ALK: variants seen among roughly 807,000 people sequenced by gnomAD.
ALK encodes ALK tyrosine kinase receptor.
A neutral mutation model predicts 163.1 loss-of-function variants in ALK; 74 were observed. The observed-to-expected ratio is 0.45, with a 90% CI of 0.38 to 0.55. The LOEUF (loss-of-function observed/expected upper bound fraction) is 0.55. Among genes scored for constraint, ALK ranks in the 20% least tolerant of loss-of-function variants. ALK has a pLI of 0.00. For missense variants in ALK, 2,063 were observed against 2,105.3 expected (o/e 0.98, Z 0.39); for synonymous variants, 960 against 843.2 (o/e 1.14, Z -2.40).
intron 5 of ALK, among the ~76,000 whole-genome samples, chr2:29,330,655 T>A (rs1667411758): frequency 6.6e-6 from 1 of 152,222 alleles, no homozygotes; most frequent in Admixed American, 6.5e-5. Context: ...GCTTTGCTGC[T>A]GTGATTAAGA....
intron 1 of ALK, among the ~76,000 whole-genome samples, chr2:29,850,657 A>G (rs1030924468): frequency 6.6e-6 from 1 of 152,150 alleles, no homozygotes; most frequent in Non-Finnish European, 1.5e-5. Context: ...TCTGGGGTCT[A>G]TGCAGCCAGG....
intron 8 of ALK, among the ~76,000 whole-genome samples, chr2:29,305,139 G>C (rs1666468706): frequency 6.6e-6 from 1 of 152,212 alleles, no homozygotes; most frequent in South Asian, 2.1e-4. Flanking sequence ...CTTGGACTTT[G>C]AGTAAGAGGC....
chr2:29,526,626 C>T (rs1459005985), intron 4 of ALK, among the ~76,000 whole-genome samples: 1 of 152,240 alleles, frequency 6.6e-6, no homozygotes, highest in Non-Finnish European at 1.5e-5. Context: ...CATTGTGACA[C>T]TGCCACTTGA....
intron 1 of ALK, among the ~76,000 whole-genome samples, chr2:29,834,880 C>A (rs909614512): frequency 6.6e-6 from 1 of 152,184 alleles, no homozygotes; most frequent in Non-Finnish European, 1.5e-5. Context: ...GAATCACACA[C>A]CTTCACTTCA....
At chr2:29,773,716 T>G (rs1467228609) in intron 1 of ALK, among the ~76,000 whole-genome samples, 1 of 152,216 alleles carries the variant, frequency 6.6e-6, no homozygotes, top group Non-Finnish European at 1.5e-5. Flanking sequence ...TAAATGCATT[T>G]TTGGCTGAAT....
At chr2:29,655,840 C>G (rs1057503768) in intron 3 of ALK, among the ~76,000 whole-genome samples, 5 of 152,174 alleles carry the variant, frequency 3.3e-5, no homozygotes, top group African/African-American at 9.7e-5. Context: ...TGGAACGAAT[C>G]CAGGTCAAAT....
At chr2:29,478,271 T>C (rs1671575459) in intron 4 of ALK, among the ~76,000 whole-genome samples, 1 of 152,266 alleles carries the variant, frequency 6.6e-6, no homozygotes, top group South Asian at 2.1e-4. Context: ...TCACTCCATG[T>C]TCCAGTTAGA....
chr2:29,676,553 A>T (rs1273830841), intron 3 of ALK, among the ~76,000 whole-genome samples: 1 of 151,920 alleles, frequency 6.6e-6, no homozygotes. Flanking sequence ...CACTGTCTTC[A>T]TTACTTTGGC....
chr2:29,456,634 C>T (rs556395078), intron 4 of ALK, among the ~76,000 whole-genome samples: 1 of 152,174 alleles, frequency 6.6e-6, no homozygotes, highest in East Asian at 1.9e-4. Context: ...AGTTGGATGG[C>T]AGTAATGATT....
intron 9 of ALK, among the ~76,000 whole-genome samples, chr2:29,280,332 G>C (rs1388129301): frequency 1.3e-5 from 2 of 152,074 alleles, no homozygotes; most frequent in Non-Finnish European, 2.9e-5. Context: ...GGGACTGAGG[G>C]GAGGTTATGG....
rs528171681 is a variant in ALK at position 29,785,519 on chromosome 2, C to T, written c.668-67822G>A. On this transcript the variant is annotated intron_variant, in intron 1 of 28. Coordinates refer to ENST00000389048, the MANE Select transcript of ALK (RefSeq NM_004304.5). Reference sequence around the variant, plus strand: ...TCCCAAATACATCTGAAAGATGATTCGATTTACAAAAGTTCCATTTGTCCA... The same window carrying T: ...TCCCAAATACATCTGAAAGATGATTTGATTTACAAAAGTTCCATTTGTCCA... Among the ~76,000 whole-genome samples, 8 of 152,108 alleles carry T rather than the reference C, an allele frequency of 5.3e-5. No homozygotes were observed. In the East Asian group the frequency reaches 5.8e-4, roughly 11 times the overall value.
intron 1 of ALK, among the ~76,000 whole-genome samples, chr2:29,858,944 A>T (rs542004087): frequency 6.6e-6 from 1 of 151,940 alleles, no homozygotes; most frequent in East Asian, 1.9e-4. Flanking sequence ...GAGGCAGGAG[A>T]ATTGCTTGAA....
At chr2:29,913,193 T>A (rs937633951) in intron 1 of ALK, among the ~76,000 whole-genome samples, 2 of 152,130 alleles carry the variant, frequency 1.3e-5, no homozygotes, top group South Asian at 4.1e-4. Flanking sequence ...AAGGGAGATC[T>A]TCTCTGCCCA....
chr2:29,517,372 T>C (rs532336524), intron 4 of ALK, among the ~76,000 whole-genome samples: 93 of 152,260 alleles, frequency 6.1e-4, no homozygotes, highest in African/African-American at 2.2e-3. Context: ...ATTATATCTC[T>C]GAACATATAT....
intron 3 of ALK, among the ~76,000 whole-genome samples, chr2:29,585,194 A>G (rs1377242936): frequency 6.6e-6 from 1 of 152,228 alleles, no homozygotes; most frequent in Non-Finnish European, 1.5e-5. Context: ...ATAAGGCAAA[A>G]TATAAATGTA....
chr2:29,694,316 C>T (rs567847698), intron 3 of ALK, among the ~76,000 whole-genome samples: 4 of 152,320 alleles, frequency 2.6e-5, no homozygotes, highest in East Asian at 1.9e-4. Flanking sequence ...TATTTATGAA[C>T]GGCTTAGAAA....
chr2:29,604,330 G>A (rs1675479373), intron 3 of ALK, among the ~76,000 whole-genome samples: 1 of 152,178 alleles, frequency 6.6e-6, no homozygotes, highest in African/African-American at 2.4e-5. Context: ...GCCCTTTCGT[G>A]TTACAATGGC....
At chr2:29,726,158 G>T (rs72786227) in intron 1 of ALK, among the ~76,000 whole-genome samples, 2 of 152,032 alleles carry the variant, frequency 1.3e-5, no homozygotes, top group East Asian at 1.9e-4. Flanking sequence ...TAACACACCC[G>T]CACTCCCTAC....
chr2:29,575,179 A>G (rs996379975), intron 3 of ALK, among the ~76,000 whole-genome samples: 1 of 152,196 alleles, frequency 6.6e-6, no homozygotes, highest in Admixed American at 6.5e-5. Flanking sequence ...GTGGTTGGTT[A>G]TAAGGGTGAA....
Sources: allele counts gnomAD v4.1 joint callset (sites outside exome capture counted in the v4.1 genomes callset), GRCh38; gene constraint gnomAD v4.1.1; transcripts MANE v1.5; gene names NCBI Gene and HGNC (gene_info 2026-07-23, HGNC 2026-07-21).